CCND3: variants seen among roughly 807,000 people sequenced by gnomAD.
CCND3 encodes the protein G1/S-specific cyclin-D3.
A neutral mutation model predicts 28.7 loss-of-function variants in CCND3; 9 were observed. That is an observed-to-expected ratio of 0.31 (90% CI 0.19 to 0.55). The LOEUF (loss-of-function observed/expected upper bound fraction) is 0.55. Among genes scored for constraint, CCND3 ranks in the 20% least tolerant of loss-of-function variants. CCND3 has a pLI of 0.93. For synonymous variants in CCND3, 164 were observed against 163.9 expected (o/e 1.00, Z 0.00); for missense variants, 315 against 385.8 (o/e 0.82, Z 1.54).
chr6:42,010,642 T>C (rs568199497), intron 1 of CCND3, among the ~76,000 whole-genome samples: 2 of 152,246 alleles, frequency 1.3e-5, no homozygotes, highest in South Asian at 4.1e-4. Flanking sequence ...GGTGGCTGAA[T>C]GAGGGGCTGG....
In CCND3 at chr6:41,941,605, G is replaced by C. The variant is rs775204715; in HGVS notation, c.45C>G (p.Ala15=). 2.0e-6 allele frequency: 3 copies of C among 1,529,284 alleles called. No individual in the cohort carries two copies. Among genetic ancestry groups the C allele is most frequent in the Non-Finnish European group, 2.6e-6 (3 of 1,135,886 alleles). The allele number at this position is 1,529,284 out of a possible 1,614,324, so 94.7% of individuals were successfully genotyped here. A position where few individuals can be genotyped will look rare whatever the true frequency, so the allele number is the denominator to read the frequency against. Residue 15 remains alanine, a synonymous_variant, in exon 1 of 5, where the codon GCC becomes GCG. Coordinates refer to ENST00000372991, the MANE Select transcript of CCND3 (RefSeq NM_001760.5). The surrounding 1 kb of genome is among the most constrained non-coding windows in gnomAD (Gnocchi z 6.1). ...CCCCCAGCAGCCGCGGGTCCGGCCC[G>C]GCCCGGGGCGCGTGCCGGGTGCCTT... ...CCEGTRHAPR[A]GPDPRLLGDQ... is the part of the protein sequence containing the mutation.
intron 1 of CCND3, among the ~76,000 whole-genome samples, chr6:42,023,015 T>C (rs761080039): frequency 6.6e-6 from 1 of 152,234 alleles, no homozygotes; most frequent in Non-Finnish European, 1.5e-5. Context: ...ATGGAGTCTG[T>C]ATTTGTGAAT....
chr6:41,970,611 A>G (rs1762009197), intron 1 of CCND3, among the ~76,000 whole-genome samples: 1 of 152,290 alleles, frequency 6.6e-6, no homozygotes, highest in South Asian at 2.1e-4. Flanking sequence ...CATCCCTTTC[A>G]AAACAGGAAG....
chr6:42,035,341 A>C (rs1472475977), intron 1 of CCND3, among the ~76,000 whole-genome samples: 1 of 152,018 alleles, frequency 6.6e-6, no homozygotes, highest in Non-Finnish European at 1.5e-5. Context: ...TTCCATTTCT[A>C]CTGGCGTCAC....
At chr6:41,973,140 C>G (rs148080578) in intron 1 of CCND3, among the ~76,000 whole-genome samples, 87 of 152,282 alleles carry the variant, frequency 5.7e-4, no homozygotes, top group African/African-American at 2.0e-3. Flanking sequence ...CCCAAATTTT[C>G]TGTCTCAGCA....
At chr6:42,034,906 T>C (rs888116658) in intron 1 of CCND3, among the ~76,000 whole-genome samples, 2 of 152,200 alleles carry the variant, frequency 1.3e-5, no homozygotes, top group African/African-American at 2.4e-5. Flanking sequence ...CTCAAATCTT[T>C]AGTACCTAGA....
chr6:41,978,485 G>A (rs941605846), intron 1 of CCND3, among the ~76,000 whole-genome samples: 4 of 152,016 alleles, frequency 2.6e-5, no homozygotes, highest in Non-Finnish European at 4.4e-5. Context: ...GCAATGAGCC[G>A]AGAGTGTGCC....
intron 1 of CCND3, among the ~76,000 whole-genome samples, chr6:41,955,646 C>A (rs1776417510): frequency 8.3e-6 from 1 of 120,040 alleles, no homozygotes; most frequent in African/African-American, 2.9e-5. Flanking sequence ...GTGACCCTAT[C>A]TCTACAAAAA....
chr6:41,944,199 C>T (rs1776111217), upstream of CCND3, among the ~76,000 whole-genome samples: 1 of 151,990 alleles, frequency 6.6e-6, no homozygotes, highest in Admixed American at 6.6e-5. Flanking sequence ...AAGCTGGGTG[C>T]GGTGGCACAA....
rs1761811496 is a variant in CCND3 at position 41,964,434 on chromosome 6, GTA to G, written c.-45-23851_-45-23850del. ...TGTCTGTGTGTGAATGTGTTTGTGT[GTA>G]TGTGTGAATGTGTGAGTCTGTGTGT... On this transcript the variant is annotated intron_variant, in intron 1 of 4. Coordinates refer to the CCND3 transcript ENST00000372988. Among the ~76,000 whole-genome samples the G allele has an allele frequency of 2.6e-5, 4 of 151,222 alleles. No individual in the cohort carries two copies. In the Admixed American group the frequency reaches 2.6e-4, roughly 10 times the overall value.
intron 1 of CCND3, among the ~76,000 whole-genome samples, chr6:41,946,984 C>T (rs1776187314): frequency 6.6e-6 from 1 of 151,976 alleles, no homozygotes; most frequent in Admixed American, 6.6e-5. Flanking sequence ...CTTTGGGAGG[C>T]CGAGGCGGGC....
rs187816513 is a variant in CCND3 at position 41,937,652 on chromosome 6, G to T, written c.415-258C>A. On this transcript the variant is annotated intron_variant, in intron 2 of 4. Transcript: ENST00000372991. ...TACATGGATTATCCCTTTTAATCCT[G>T]TCTGGTTATGTTTAAGGGGCCAATA... The T allele has an allele frequency of 8.5e-4, 441 of 516,832 alleles. 2 individuals are homozygous for T. Among genetic ancestry groups the T allele is most frequent in the African/African-American group, 7.5e-3 (397 of 52,612 alleles). 32.0% of individuals were successfully genotyped at this position (516,832 alleles called of 1,614,324 possible).
At chr6:42,003,454 G>A (rs940158130) in intron 1 of CCND3, among the ~76,000 whole-genome samples, 2 of 135,780 alleles carry the variant, frequency 1.5e-5, no homozygotes, top group Non-Finnish European at 3.0e-5. Context: ...GAACCCCAGA[G>A]GTGGAGGCTG....
chr6:42,002,966 C>T (rs996828288), intron 1 of CCND3, among the ~76,000 whole-genome samples: 8 of 151,194 alleles, frequency 5.3e-5, no homozygotes, highest in Admixed American at 6.6e-5. Flanking sequence ...AGTTTGAGAC[C>T]GGCCTGACCA....
intron 1 of CCND3, among the ~76,000 whole-genome samples, chr6:41,982,773 C>A (rs1582130730): frequency 6.6e-6 from 1 of 151,384 alleles, no homozygotes; most frequent in African/African-American, 2.4e-5. Context: ...CAGGAATAGA[C>A]CCATAGAAAT....
intron 1 of CCND3, among the ~76,000 whole-genome samples, chr6:42,020,466 C>A (rs1763674952): frequency 6.6e-6 from 1 of 152,166 alleles, no homozygotes; most frequent in African/African-American, 2.4e-5. Flanking sequence ...ATGGTTCCAG[C>A]CTTCATCCAC....
intron 1 of CCND3, among the ~76,000 whole-genome samples, chr6:41,981,256 A>G (rs1414056160): frequency 6.6e-6 from 1 of 152,002 alleles, no homozygotes. Flanking sequence ...CCCAGGCTGG[A>G]GTGCATCGGT....
intron 1 of CCND3, among the ~76,000 whole-genome samples, chr6:41,995,552 G>C (rs1309115767): frequency 6.6e-6 from 1 of 152,068 alleles, no homozygotes; most frequent in Non-Finnish European, 1.5e-5. Context: ...CACTGCACAT[G>C]CCCAAAGTAT....
At chr6:42,028,931 C>G (rs918676180) in intron 1 of CCND3, among the ~76,000 whole-genome samples, 34 of 151,794 alleles carry the variant, frequency 2.2e-4, no homozygotes, top group Non-Finnish European at 4.0e-4. Context: ...AGGACGGGTC[C>G]CAAACTTGGT....
Sources: allele counts gnomAD v4.1 joint callset (sites outside exome capture counted in the v4.1 genomes callset), GRCh38; gene constraint gnomAD v4.1.1; non-coding constraint Gnocchi (gnomAD v3.1); transcripts MANE v1.5; gene names NCBI Gene and HGNC (gene_info 2026-07-23, HGNC 2026-07-21).